ELOVL7: variants seen among roughly 807,000 people sequenced by gnomAD.
ELOVL7 encodes the protein very long chain fatty acid elongase 7.
ELOVL7 carries 27 observed loss-of-function variants against 35.7 expected under a neutral mutation model. The ratio of observed to expected loss-of-function variants is 0.76; its 90% CI spans 0.56 to 1.04. The LOEUF is 1.04. ELOVL7 is among the 50% of genes least tolerant of loss of function. The probability of loss-of-function intolerance (pLI) is 0.00; values close to 1 mark genes in which losing one functional copy is unlikely to be tolerated. For synonymous variants in ELOVL7, 113 were observed against 114.6 expected (o/e 0.99, Z 0.09); for missense variants, 327 against 340.8 (o/e 0.96, Z 0.32).
chr5:60,760,086 C>A (rs141984768), intron 7 of ELOVL7, among the ~76,000 whole-genome samples: 1 of 151,976 alleles, frequency 6.6e-6, no homozygotes, highest in Admixed American at 6.6e-5. Flanking sequence ...GTGAATAGTG[C>A]CGCAATAAAC....
intron 2 of ELOVL7, among the ~76,000 whole-genome samples, chr5:60,796,433 A>T (rs1020455980): frequency 1.1e-4 from 16 of 152,312 alleles, no homozygotes; most frequent in African/African-American, 3.6e-4. Context: ...TGATTATTGT[A>T]GGATGTTTAG....
intron 2 of ELOVL7, among the ~76,000 whole-genome samples, chr5:60,798,348 G>A (rs1202639485): frequency 6.6e-6 from 1 of 152,132 alleles, no homozygotes; most frequent in Non-Finnish European, 1.5e-5. Flanking sequence ...TCAAAGACGT[G>A]ATGGGACCCT....
intron 7 of ELOVL7, among the ~76,000 whole-genome samples, chr5:60,759,398 G>A (rs1461232753): frequency 6.6e-6 from 1 of 151,972 alleles, no homozygotes; most frequent in Non-Finnish European, 1.5e-5. Context: ...ACCTTTTCTA[G>A]GTTAATTTAA....
At chr5:60,779,093 C>T (rs948402219) in intron 3 of ELOVL7, among the ~76,000 whole-genome samples, 3 of 152,204 alleles carry the variant, frequency 2.0e-5, no homozygotes, top group Non-Finnish European at 4.4e-5. Flanking sequence ...AGGTGGGCTC[C>T]CATGGCCTTG....
chr5:60,813,645 A>AT lies in ELOVL7; in HGVS notation c.-85-14416dup, dbSNP rs531763992. Among the ~76,000 whole-genome samples, 1,058 of 147,478 alleles carry AT rather than the reference A, an allele frequency of 7.2e-3. 9 individuals are homozygous for AT. The highest frequency in any genetic ancestry group is 0.01 in the Non-Finnish European group (679 of 66,486). On this transcript the variant is annotated intron_variant, in intron 1 of 8. Coordinates refer to ENST00000508821, the MANE Select transcript of ELOVL7 (RefSeq NM_024930.3). ...CAACTCTTTGTTTTTGTTTATATCA[A>AT]TTTTTTTTTTTCAGTTAACAGAAAC...
chr5:60,819,049 G>A (rs1380403560), intron 1 of ELOVL7, among the ~76,000 whole-genome samples: 16 of 810 alleles, frequency 0.02, no homozygotes, highest in East Asian at 0.071. Context: ...GGGAGGGGAG[G>A]GGAGGGGAGG....
Position 60,800,187 on chromosome 5 carries a change from A to C in ELOVL7, c.-85-957T>G, listed in dbSNP as rs1744519495. On this transcript the variant is annotated intron_variant, in intron 1 of 8. Coordinates refer to ENST00000508821, the MANE Select transcript of ELOVL7 (RefSeq NM_024930.3). The stretch of plus-strand genomic sequence containing the variant: ...AGACAAGGACACTACAAAAAAAGAA[A>C]ACTTCAGGTCAATACCCTTGATGAA... Among the ~76,000 whole-genome samples the C allele has an allele frequency of 2.6e-5, 4 of 152,274 alleles. No homozygotes were observed. The South Asian group carries it at 8.3e-4, about 32-fold the overall frequency.
At chr5:60,784,236 C>T in intron 3 of ELOVL7, 3 of 893,640 alleles carry the variant, frequency 3.4e-6, no homozygotes, top group Non-Finnish European at 3.3e-6. Context: ...CAAACATGTA[C>T]CTTAAGTACT....
intron 1 of ELOVL7, among the ~76,000 whole-genome samples, chr5:60,813,851 A>T (rs139750416): frequency 1.3e-5 from 2 of 152,292 alleles, no homozygotes; most frequent in Admixed American, 6.5e-5. Flanking sequence ...TGTCAGGCAA[A>T]CACACTGAAA....
At chr5:60,773,198 G>A in intron 3 of ELOVL7, among the ~76,000 whole-genome samples, 1 of 152,184 alleles carries the variant, frequency 6.6e-6, no homozygotes, top group Non-Finnish European at 1.5e-5. Flanking sequence ...TGAAGCTAGA[G>A]TATTATGAAG....
intron 3 of ELOVL7, among the ~76,000 whole-genome samples, chr5:60,777,116 G>C (rs761810896): frequency 3.3e-5 from 5 of 151,852 alleles, no homozygotes; most frequent in Admixed American, 6.6e-5. Flanking sequence ...GGGGGGTTGG[G>C]GGGGAGGTGG....
In ELOVL7 at chr5:60,765,335, C is replaced by T. The variant is rs558817510; in HGVS notation, c.394-1003G>A. Among the ~76,000 whole-genome samples the T allele has an allele frequency of 5.9e-5, 9 of 152,294 alleles. No individual in the cohort carries two copies. In the South Asian group the frequency reaches 1.2e-3, roughly 21 times the overall value. ...ATTTAACTCCTTGGCTTCAATTTCT[C>T]AGAGTGAAGGTTCTGGACTAATGCT... is the stretch of plus-strand genomic sequence containing the variant. On this transcript the variant is annotated intron_variant, in intron 6 of 8. Coordinates refer to ENST00000508821, the MANE Select transcript of ELOVL7 (RefSeq NM_024930.3).
At chr5:60,787,273 A>T in intron 3 of ELOVL7, 61 bp downstream of exon 3, 1 of 1,372,396 alleles carries the variant, frequency 7.3e-7, no homozygotes, top group Non-Finnish European at 1.0e-6. Context: ...AATCCTATTA[A>T]ATATGAGAAT....
At chr5:60,817,279 C>T (rs1346165250) in intron 1 of ELOVL7, among the ~76,000 whole-genome samples, 2 of 148,258 alleles carry the variant, frequency 1.3e-5, no homozygotes, top group Non-Finnish European at 3.0e-5. Flanking sequence ...AAAAAAGATA[C>T]AAAAAACAGA....
At chr5:60,756,453 AT>A (rs1036207391) in intron 8 of ELOVL7, among the ~76,000 whole-genome samples, 19 of 152,262 alleles carry the variant, frequency 1.2e-4, no homozygotes, top group African/African-American at 4.6e-4. Flanking sequence ...AGAAAATAAT[AT>A]TTTTTAAAGA....
intron 2 of ELOVL7, among the ~76,000 whole-genome samples, chr5:60,798,136 C>T (rs1744377277): frequency 1.3e-5 from 2 of 152,164 alleles, no homozygotes; most frequent in African/African-American, 2.4e-5. Context: ...GCCCCGACCA[C>T]CTTGGGCACA....
intron 2 of ELOVL7, among the ~76,000 whole-genome samples, chr5:60,798,464 G>A (rs1744397669): frequency 6.6e-6 from 1 of 152,108 alleles, no homozygotes; most frequent in Admixed American, 6.5e-5. Context: ...TGCTGAGGGT[G>A]GAGGGGAGGT....
intron 1 of ELOVL7, among the ~76,000 whole-genome samples, chr5:60,819,874 C>A (rs1371648646): frequency 6.6e-6 from 1 of 152,158 alleles, no homozygotes; most frequent in Non-Finnish European, 1.5e-5. Flanking sequence ...CAAAATGATG[C>A]TCTCCCCTCC....
At chr5:60,832,510 C>T (rs1746539282) in intron 1 of ELOVL7, among the ~76,000 whole-genome samples, 1 of 152,092 alleles carries the variant, frequency 6.6e-6, no homozygotes, top group Non-Finnish European at 1.5e-5. Flanking sequence ...GGACTACAGG[C>T]ACCCACCACC....
Sources: allele counts gnomAD v4.1 joint callset (sites outside exome capture counted in the v4.1 genomes callset), GRCh38; gene constraint gnomAD v4.1.1; transcripts MANE v1.5; gene names NCBI Gene and HGNC (gene_info 2026-07-23, HGNC 2026-07-21).